The following KANSL1 variants were observed in gnomAD, a reference collection of about 807,000 sequenced individuals.
KANSL1 encodes the protein KAT8 regulatory NSL complex subunit 1.
In KANSL1, 22 loss-of-function variants were observed where a neutral mutation model predicts 103.6. The ratio of observed to expected loss-of-function variants is 0.21; its 90% CI spans 0.15 to 0.30. The LOEUF (loss-of-function observed/expected upper bound fraction) is 0.30, where lower values mean the gene tolerates loss of function less well. KANSL1 is among the 10% of genes least tolerant of loss of function. The pLI is 1.00. For missense variants in KANSL1, 1,337 were observed against 1,399.8 expected (o/e 0.96, Z 0.72); for synonymous variants, 600 against 527.6 (o/e 1.14, Z -1.88).
intron 3 of KANSL1, among the ~76,000 whole-genome samples, chr17:46,087,753 T>C (rs903423109): frequency 6.6e-6 from 1 of 152,184 alleles, no homozygotes; most frequent in Non-Finnish European, 1.5e-5. Flanking sequence ...ACTATACACT[T>C]AATGACTTTG....
chr17:46,096,199 T>G (rs928658285), intron 2 of KANSL1, among the ~76,000 whole-genome samples: 2 of 150,670 alleles, frequency 1.3e-5, no homozygotes, highest in African/African-American at 4.9e-5. Context: ...TGGATTGTGG[T>G]GGTGCAATCA....
chr17:46,066,186 A>G (rs2078369442), intron 6 of KANSL1, among the ~76,000 whole-genome samples: 1 of 152,194 alleles, frequency 6.6e-6, no homozygotes, highest in Admixed American at 6.5e-5. Context: ...AAAGGATTCT[A>G]TACTGCCATT....
At chr17:46,095,809 A>G (rs953678622) in intron 2 of KANSL1, among the ~76,000 whole-genome samples, 6 of 152,248 alleles carry the variant, frequency 3.9e-5, no homozygotes, top group African/African-American at 1.4e-4. Context: ...AATATGTAAC[A>G]GAACTCTCAG....
chr17:46,168,400 G>A (rs2696658), intron 2 of KANSL1, among the ~76,000 whole-genome samples: 21,936 of 151,856 alleles, frequency 0.14, 2,136 homozygotes, highest in Non-Finnish European at 0.22. Flanking sequence ...TAGGCTGGAG[G>A]GCAATGGTGC....
At chr17:46,047,758 A>AG (rs1279693119) in intron 7 of KANSL1, among the ~76,000 whole-genome samples, 1 of 151,184 alleles carries the variant, frequency 6.6e-6, no homozygotes, top group Non-Finnish European at 1.5e-5. Flanking sequence ...ACTGAACTCC[A>AG]GCTTAGGGCA....
At chr17:46,181,167 A>G (rs925471632) in intron 1 of KANSL1, among the ~76,000 whole-genome samples, 2 of 152,250 alleles carry the variant, frequency 1.3e-5, no homozygotes, top group Admixed American at 6.5e-5. Flanking sequence ...ATGACAAACA[A>G]AAACATGATG....
At chr17:46,133,146 G>A (rs949502197) in intron 2 of KANSL1, among the ~76,000 whole-genome samples, 1 of 152,290 alleles carries the variant, frequency 6.6e-6, no homozygotes, top group Middle Eastern at 3.4e-3. Flanking sequence ...GGTGTGAGAT[G>A]GATGGAGTAA....
At chr17:46,083,528 G>C (rs2079054432) in intron 3 of KANSL1, among the ~76,000 whole-genome samples, 1 of 152,082 alleles carries the variant, frequency 6.6e-6, no homozygotes, top group Admixed American at 6.6e-5. Context: ...TTTTTATGGG[G>C]GAAGGGAGGC....
intron 4 of KANSL1, among the ~76,000 whole-genome samples, chr17:46,082,094 CTATAA>C (rs977678827): frequency 1.3e-5 from 2 of 152,060 alleles, no homozygotes; most frequent in African/African-American, 4.8e-5. Flanking sequence ...AATGAAAAGG[CTATAA>C]TATATTAGAG....
intron 1 of KANSL1, among the ~76,000 whole-genome samples, chr17:46,181,748 T>C (rs996517509): frequency 6.6e-6 from 1 of 152,180 alleles, no homozygotes; most frequent in African/African-American, 2.4e-5. Flanking sequence ...ACCTTTTTAA[T>C]GAGTTCAAAT....
At chr17:46,147,225 T>C (rs2044758013) in intron 2 of KANSL1, among the ~76,000 whole-genome samples, 1 of 152,172 alleles carries the variant, frequency 6.6e-6, no homozygotes, top group Non-Finnish European at 1.5e-5. Context: ...CCAATATATG[T>C]ATTTCGTATT....
At chr17:46,045,440 A>AAAAAAAAAAAAAAATATATATATAT (rs950085495) in intron 7 of KANSL1, 1 of 144,860 alleles carries the variant, frequency 6.9e-6, no homozygotes, top group African/African-American at 2.5e-5. Context: ...TACATGTAAA[A>AAAAAAAAAAAAAAATATATATATAT]ATATATATAT....
chr17:46,062,549 G>A (rs938920520), intron 6 of KANSL1, among the ~76,000 whole-genome samples: 2 of 150,756 alleles, frequency 1.3e-5, no homozygotes, highest in African/African-American at 4.9e-5. Flanking sequence ...AGTAGAGATG[G>A]GGTTTCATCA....
At chr17:46,054,061 C>T (rs2077826240) in intron 6 of KANSL1, among the ~76,000 whole-genome samples, 2 of 152,014 alleles carry the variant, frequency 1.3e-5, no homozygotes, top group Non-Finnish European at 2.9e-5. Flanking sequence ...GAGTGAGGAG[C>T]TATAGTGATC....
chr17:46,219,081 T>C (rs1381325673), intron 1 of KANSL1, among the ~76,000 whole-genome samples: 3 of 151,750 alleles, frequency 2.0e-5, no homozygotes, highest in African/African-American at 7.3e-5. Flanking sequence ...GCCAAGCTGG[T>C]GAAACCCCAT....
chr17:46,164,128 C>T (rs1330440934), intron 2 of KANSL1, among the ~76,000 whole-genome samples: 6 of 152,246 alleles, frequency 3.9e-5, no homozygotes, highest in Non-Finnish European at 8.8e-5. Flanking sequence ...TCTCTTGTGT[C>T]TTACACATTT....
intron 3 of KANSL1, among the ~76,000 whole-genome samples, chr17:46,084,072 G>A (rs572493181): frequency 6.8e-6 from 1 of 147,056 alleles, no homozygotes; most frequent in East Asian, 1.9e-4. Context: ...ACTACACTTA[G>A]CCCGTATCAA....
intron 10 of KANSL1, 30 bp downstream of exon 10, chr17:46,038,508 G>T: frequency 6.2e-7 from 1 of 1,610,664 alleles, no homozygotes; most frequent in Non-Finnish European, 8.5e-7. Flanking sequence ...TGCAGAGGGG[G>T]TGTCCGGCCA....
intron 4 of KANSL1, among the ~76,000 whole-genome samples, chr17:46,081,199 A>G (rs1224894817): frequency 1.3e-5 from 2 of 152,214 alleles, no homozygotes; most frequent in Non-Finnish European, 2.9e-5. Context: ...ATTACTCAAA[A>G]AAGTTTGGAA....
Sources: gnomAD v4.1 joint callset for allele counts (sites outside exome capture counted in the v4.1 genomes callset) on GRCh38, gnomAD v4.1.1 for gene constraint, MANE v1.5 for transcripts, NCBI Gene and HGNC (gene_info 2026-07-23, HGNC 2026-07-21) for gene names.